SAMD3: variants seen among roughly 807,000 people sequenced by gnomAD.
SAMD3 encodes the protein sterile alpha motif domain-containing protein 3.
Under a neutral mutation model 58.5 loss-of-function variants are expected in SAMD3, and 63 were observed. That is an observed-to-expected ratio of 1.08 (90% CI 0.88 to 1.33). The LOEUF is 1.33. Among genes scored for constraint, SAMD3 ranks in the 40% most tolerant of loss-of-function variants. The pLI is 0.00. For missense variants in SAMD3, 604 were observed against 608.4 expected (o/e 0.99, Z 0.08); for synonymous variants, 220 against 210.3 (o/e 1.05, Z -0.40).
chr6:130,169,998 CTT>C (rs55946223), intron 8 of SAMD3, among the ~76,000 whole-genome samples: 26,970 of 152,046 alleles, frequency 0.18, 3,410 homozygotes, highest in African/African-American at 0.36. Context: ...AGAAAAGTAA[CTT>C]ATGCATAATG....
intron 2 of SAMD3, among the ~76,000 whole-genome samples, chr6:130,310,610 T>C (rs1424384133): frequency 6.6e-6 from 1 of 152,192 alleles, no homozygotes. Flanking sequence ...TCTATTTTAG[T>C]GCTATAATTT....
At chr6:130,145,969 A>T in intron 10 of SAMD3, 41 bp downstream of exon 10, 1 of 1,232,054 alleles carries the variant, frequency 8.1e-7, no homozygotes, top group Non-Finnish European at 1.1e-6. Context: ...TATTCTGATA[A>T]ATAACAGATG....
At chr6:130,365,867 C>G, upstream of SAMD3, 16 of 985,648 alleles carry the variant, frequency 1.6e-5, no homozygotes, top group Non-Finnish European at 1.9e-5. Flanking sequence ...GGTGGCAGGA[C>G]TGGGGTTTCC....
intron 2 of SAMD3, among the ~76,000 whole-genome samples, chr6:130,296,827 A>AAGGTC (rs1775585492): frequency 6.6e-6 from 1 of 152,110 alleles, no homozygotes; most frequent in South Asian, 2.1e-4. Flanking sequence ...TGGGGAACCA[A>AAGGTC]AGGTCAGTCT....
intron 5 of SAMD3, among the ~76,000 whole-genome samples, chr6:130,194,710 T>C (rs1014810366): frequency 9.9e-5 from 15 of 152,124 alleles, no homozygotes; most frequent in African/African-American, 2.4e-4. Context: ...CACTGGAAAT[T>C]GGACTGTTCA....
At chr6:130,276,898 C>T (rs986826226) in intron 2 of SAMD3, among the ~76,000 whole-genome samples, 3 of 152,034 alleles carry the variant, frequency 2.0e-5, no homozygotes, top group East Asian at 1.9e-4. Flanking sequence ...AAATGGTTCT[C>T]GTGTGCTGAG....
upstream of SAMD3, chr6:130,365,665 TG>T: frequency 1.0e-6 from 1 of 984,464 alleles, no homozygotes. Flanking sequence ...GCCCCACGGG[TG>T]GGTGTGTCCG....
intron 2 of SAMD3, among the ~76,000 whole-genome samples, chr6:130,296,349 C>A (rs1409974658): frequency 6.6e-6 from 1 of 152,096 alleles, no homozygotes; most frequent in African/African-American, 2.4e-5. Context: ...AAAGGTCAAC[C>A]CAGGAAACTC....
chr6:130,155,119 G>T, intron 8 of SAMD3, 94 bp from the exon 9 acceptor site: 1 of 898,058 alleles, frequency 1.1e-6, no homozygotes, highest in Non-Finnish European at 1.8e-6. Flanking sequence ...CATTCCTAAG[G>T]TGAGTATCAC....
intron 1 of SAMD3, among the ~76,000 whole-genome samples, chr6:130,323,071 G>A (rs1427042790): frequency 6.6e-6 from 1 of 152,136 alleles, no homozygotes; most frequent in Admixed American, 6.5e-5. Flanking sequence ...TTACCATGGA[G>A]CATTTTATAA....
chr6:130,281,958 C>T (rs1774996396), intron 2 of SAMD3, among the ~76,000 whole-genome samples: 1 of 152,078 alleles, frequency 6.6e-6, no homozygotes, highest in Non-Finnish European at 1.5e-5. Flanking sequence ...TCAAATAATC[C>T]ATGTTTTCTT....
At chr6:130,228,209 G>C (rs1018861477) in intron 2 of SAMD3, among the ~76,000 whole-genome samples, 2 of 152,196 alleles carry the variant, frequency 1.3e-5, no homozygotes, top group African/African-American at 4.8e-5. Flanking sequence ...CACAACTCCA[G>C]CATCTCAGCA....
rs549858672 is a variant in SAMD3, at chr6:130,176,092, T to C, written c.655-84A>G. The C allele has an allele frequency of 2.9e-4, 298 of 1,024,820 alleles. 1 individual carries two copies. In the African/African-American group the frequency reaches 4.2e-3, roughly 15 times the overall value. The allele number at this position is 1,024,820 out of a possible 1,614,324, so 63.5% of individuals were successfully genotyped here. On this transcript the variant is annotated intron_variant, in intron 7 of 11. Coordinates refer to ENST00000439090, the MANE Select transcript of SAMD3 (RefSeq NM_001017373.4). ...AATACGTCTATACAACAACAATACA[T>C]ACCTATCATCTTTGGGCTTGAAATT...
chr6:130,153,926 C>T (rs906967795), intron 9 of SAMD3, among the ~76,000 whole-genome samples: 5 of 152,038 alleles, frequency 3.3e-5, no homozygotes, highest in Non-Finnish European at 7.4e-5. Context: ...ATCCACCCAC[C>T]TCAGCCTCCC....
At chr6:130,257,741 C>A (rs1009877723) in intron 2 of SAMD3, among the ~76,000 whole-genome samples, 1 of 152,082 alleles carries the variant, frequency 6.6e-6, no homozygotes, top group Admixed American at 6.6e-5. Flanking sequence ...AAGTATACAA[C>A]TTGATGAATT....
At chr6:130,223,679 A>G (rs1013617602), upstream of SAMD3, among the ~76,000 whole-genome samples, 2 of 152,174 alleles carry the variant, frequency 1.3e-5, no homozygotes. Flanking sequence ...ACACCCTTGC[A>G]GGGCGTGCGA....
chr6:130,244,609 G>A (rs1773473751), intron 2 of SAMD3, among the ~76,000 whole-genome samples: 1 of 151,954 alleles, frequency 6.6e-6, no homozygotes, highest in African/African-American at 2.4e-5. Flanking sequence ...GTGTGGTGCT[G>A]TGCACCTGCA....
intron 2 of SAMD3, among the ~76,000 whole-genome samples, chr6:130,273,994 T>C (rs1234369010): frequency 6.6e-6 from 1 of 152,224 alleles, no homozygotes; most frequent in African/African-American, 2.4e-5. Context: ...TTTACACTTT[T>C]ATATGCTTCT....
chr6:130,284,865 C>CT (rs1775103163), intron 2 of SAMD3, among the ~76,000 whole-genome samples: 2 of 152,098 alleles, frequency 1.3e-5, no homozygotes, highest in Non-Finnish European at 2.9e-5. Context: ...ATATAGAGAA[C>CT]ATTTTATACA....
Sources: gnomAD v4.1 joint callset for allele counts (sites outside exome capture counted in the v4.1 genomes callset) on GRCh38, gnomAD v4.1.1 for gene constraint, MANE v1.5 for transcripts, NCBI Gene and HGNC (gene_info 2026-07-23, HGNC 2026-07-21) for gene names.